The following MCPH1 variants were observed in gnomAD, a reference collection of about 807,000 sequenced individuals.
MCPH1 encodes the protein microcephalin.
In MCPH1, 104 loss-of-function variants were observed where a neutral mutation model predicts 84.5. The ratio of observed to expected loss-of-function variants is 1.23; its 90% CI spans 1.05 to 1.45. The LOEUF is 1.45. Among genes scored for constraint, MCPH1 ranks in the 40% most tolerant of loss-of-function variants. The pLI is 0.00. For synonymous variants in MCPH1, 514 were observed against 366.8 expected, an observed-to-expected ratio of 1.40 and a Z score of -4.58; for missense variants, 1,498 against 1,005.7, an observed-to-expected ratio of 1.49 and a Z score of -6.62.
intron 12 of MCPH1, among the ~76,000 whole-genome samples, chr8:6,603,434 C>G (rs941801149): frequency 2.6e-5 from 4 of 152,156 alleles, no homozygotes; most frequent in African/African-American, 9.7e-5. Flanking sequence ...TTTCATCATT[C>G]TTAAATTATA....
At chr8:6,542,733 G>A (rs146081907) in intron 12 of MCPH1, among the ~76,000 whole-genome samples, 82 of 152,102 alleles carry the variant, frequency 5.4e-4, no homozygotes, top group African/African-American at 1.9e-3. Flanking sequence ...GTGTTACATG[G>A]GTTTGCCAAA....
At chr8:6,577,069 G>A (rs1033613124) in intron 12 of MCPH1, among the ~76,000 whole-genome samples, 12 of 152,130 alleles carry the variant, frequency 7.9e-5, no homozygotes, top group East Asian at 7.7e-4. Context: ...CTGGACAAGC[G>A]GCAAGATACT....
At chr8:6,529,303 A>C (rs1868553) in intron 12 of MCPH1, among the ~76,000 whole-genome samples, 33,539 of 152,130 alleles carry the variant, frequency 0.22, 5,361 homozygotes, top group African/African-American at 0.45. Flanking sequence ...TCATTCTGAC[A>C]GGCTTGGAGA....
chr8:6,451,319 G>A (rs571484408), intron 8 of MCPH1, among the ~76,000 whole-genome samples: 68 of 152,292 alleles, frequency 4.5e-4, no homozygotes, highest in African/African-American at 1.6e-3. Context: ...TCTGTCAGAT[G>A]TTTACTCCGT....
intron 9 of MCPH1, among the ~76,000 whole-genome samples, chr8:6,457,295 A>G (rs1341604794): frequency 1.3e-5 from 2 of 151,736 alleles, no homozygotes; most frequent in Non-Finnish European, 2.9e-5. Flanking sequence ...AGCAGGTTTT[A>G]AATGCAGATT....
chr8:6,409,077 G>T (rs1290168629), intron 1 of MCPH1, among the ~76,000 whole-genome samples: 2 of 152,018 alleles, frequency 1.3e-5, no homozygotes, highest in Non-Finnish European at 2.9e-5. Context: ...AGTAGAGATG[G>T]TTTTTCACCA....
chr8:6,577,303 C>T (rs551727360), intron 12 of MCPH1, among the ~76,000 whole-genome samples: 7 of 152,190 alleles, frequency 4.6e-5, no homozygotes, highest in Non-Finnish European at 1.0e-4. Flanking sequence ...CCCGTCACCA[C>T]GTGTGCTCCA....
At chr8:6,488,413 C>G (rs906191813) in intron 11 of MCPH1, among the ~76,000 whole-genome samples, 3 of 152,202 alleles carry the variant, frequency 2.0e-5, no homozygotes, top group African/African-American at 7.2e-5. Context: ...CTAAGAATGA[C>G]TGATGTTAAA....
At chr8:6,618,290 T>TAAC (rs1326991193) in intron 12 of MCPH1, among the ~76,000 whole-genome samples, 1 of 152,240 alleles carries the variant, frequency 6.6e-6, no homozygotes. Context: ...AATTCACAGC[T>TAAC]AACTTTTTAA....
intron 10 of MCPH1, among the ~76,000 whole-genome samples, chr8:6,478,593 A>G (rs1323049895): frequency 6.6e-6 from 1 of 152,178 alleles, no homozygotes; most frequent in Non-Finnish European, 1.5e-5. Flanking sequence ...ACTTAAGAAT[A>G]AGACCTGGAC....
chr8:6,482,665 A>T (rs1179621398), intron 11 of MCPH1, among the ~76,000 whole-genome samples: 1 of 152,226 alleles, frequency 6.6e-6, no homozygotes, highest in African/African-American at 2.4e-5. Flanking sequence ...TTTGCTGTCG[A>T]CATGGATAGA....
chr8:6,615,357 A>T (rs1209270376), intron 12 of MCPH1, among the ~76,000 whole-genome samples: 2 of 152,210 alleles, frequency 1.3e-5, no homozygotes, highest in African/African-American at 4.8e-5. Context: ...AGCAAAGACC[A>T]TGTCCCTGCA....
intron 9 of MCPH1, among the ~76,000 whole-genome samples, chr8:6,470,501 T>A (rs1374877584): frequency 6.6e-6 from 1 of 152,174 alleles, no homozygotes; most frequent in African/African-American, 2.4e-5. Context: ...GCCAGGCTAG[T>A]CTCGAACTCC....
chr8:6,485,537 A>G (rs1809779983), intron 11 of MCPH1, among the ~76,000 whole-genome samples: 1 of 151,930 alleles, frequency 6.6e-6, no homozygotes, highest in Admixed American at 6.6e-5. Flanking sequence ...TTAAAAAAAA[A>G]ATGAAAAGAA....
intron 9 of MCPH1, among the ~76,000 whole-genome samples, chr8:6,461,206 C>T (rs1438200656): frequency 6.7e-6 from 1 of 149,530 alleles, no homozygotes; most frequent in Non-Finnish European, 1.5e-5. Context: ...CTTCCATTAG[C>T]TTTTTTTTTG....
chr8:6,516,285 T>C (rs1303178345), intron 12 of MCPH1, among the ~76,000 whole-genome samples: 1 of 152,242 alleles, frequency 6.6e-6, no homozygotes, highest in Non-Finnish European at 1.5e-5. Flanking sequence ...CCAGATACTT[T>C]GTGTATATTA....
rs544053852 is a variant in MCPH1, at chr8:6,516,746, G to A, written c.2214+16817G>A. On this transcript the variant is annotated intron_variant, in intron 12 of 13. Transcript: ENST00000344683. ...GTTGAAAGCATTGACGTGGCTCTTGGTGAGCCTATCCTTGTTCCAAGAATG... is the reference window on the plus strand; with the variant it reads ...GTTGAAAGCATTGACGTGGCTCTTGATGAGCCTATCCTTGTTCCAAGAATG... Among the ~76,000 whole-genome samples, 72 of 152,290 alleles carry A rather than the reference G, an allele frequency of 4.7e-4. 1 individual carries two copies. The highest frequency in any genetic ancestry group is 1.0e-3 in the South Asian group (5 of 4,820).
intron 9 of MCPH1, among the ~76,000 whole-genome samples, chr8:6,470,958 C>T (rs1807640618): frequency 6.6e-6 from 1 of 152,234 alleles, no homozygotes; most frequent in African/African-American, 2.4e-5. Flanking sequence ...CATACCATTC[C>T]AAAGGGAGTC....
rs151315329 is a variant in MCPH1 at position 6,480,960 on chromosome 8, A to C, written c.2136+84A>C. 125 of 1,478,290 alleles carry C rather than the reference A, an allele frequency of 8.5e-5. 2 individuals are homozygous for C. In the African/African-American group the frequency reaches 1.6e-3, roughly 19 times the overall value. The allele number at this position is 1,478,290 out of a possible 1,614,324, so 91.6% of individuals were successfully genotyped here. ...CCCTGAGGTGCCGACATCAGCACTC[A>C]GGCCGGCGTGCACCCTTGTGGATCT... is the stretch of plus-strand genomic sequence containing the variant. On this transcript the variant is annotated intron_variant, in intron 11 of 13. Transcript: ENST00000344683.
Sources: allele counts gnomAD v4.1 joint callset (sites outside exome capture counted in the v4.1 genomes callset), GRCh38; gene constraint gnomAD v4.1.1; transcripts MANE v1.5; gene names NCBI Gene and HGNC (gene_info 2026-07-23, HGNC 2026-07-21).